RHPN1: variants seen among roughly 807,000 people sequenced by gnomAD.
RHPN1 encodes rhophilin-1.
Under a neutral mutation model 74.7 loss-of-function variants are expected in RHPN1, and 77 were observed. The observed-to-expected ratio is 1.03, with a 90% CI of 0.86 to 1.25. The LOEUF is 1.25. Among genes scored for constraint, RHPN1 ranks in the 50% most tolerant of loss-of-function variants. RHPN1 has a pLI of 0.00. For synonymous variants in RHPN1, 444 were observed against 414.5 expected (o/e 1.07, Z -0.87); for missense variants, 987 against 932.2 (o/e 1.06, Z -0.77).
Position 143,378,951 on chromosome 8 carries a change from C to A in RHPN1, c.624C>A (p.Ala208=). ...CTGGGGTCCCGGCCCAGCAGCGTGC[C>A]CTGGCCTTCGAGAAGGGCAGCGTTC... The part of the protein sequence containing the change: ...SLTGVPAQQR[A]LAFEKGSVLF... Residue 208 remains alanine (A), a synonymous_variant, in exon 7 of 15, where the codon GCC becomes GCA. Transcript: ENST00000289013. 1 of 1,576,456 alleles carries A rather than the reference C, an allele frequency of 6.3e-7. No homozygotes were observed. The highest frequency in any genetic ancestry group is 1.2e-5 in the South Asian group (1 of 85,788).
Position 143,378,356 on chromosome 8 carries a change from T to TCCCCCCCCCCCCCCCCCCCCCCCC in RHPN1, c.459+15_459+16insCCCCCCCCCCCCCCCCCCCCCCCC. ...GGAGGCCCTGCGGCAGGTGTGTGGT[T>TCCCCCCCCCCCCCCCCCCCCCCCC]CCCCCGCCCACCCACCCTCCTGCAG... On this transcript the variant is annotated intron_variant, in intron 5 of 14. Transcript: ENST00000289013. The TCCCCCCCCCCCCCCCCCCCCCCCC allele has an allele frequency of 6.6e-7, 1 of 1,525,440 alleles. No individual in the cohort carries two copies. The allele number at this position is 1,525,440 out of a possible 1,614,324, so 94.5% of individuals were successfully genotyped here.
In RHPN1 at chr8:143,374,904, G is replaced by A. The variant is rs564757417; in HGVS notation, c.61-649G>A. On this transcript the variant is annotated intron_variant, in intron 1 of 14. Transcript: ENST00000289013. The stretch of plus-strand genomic sequence containing the variant: ...CATGGCTGGTGCTGGGCAGGGCCGC[G>A]GGGCTGCAGTCTGGGTGCAAGGCTC... Among the ~76,000 whole-genome samples, 13 of 151,988 alleles carry A rather than the reference G, an allele frequency of 8.6e-5. No homozygotes were observed. The East Asian group carries it at 1.7e-3, about 20-fold the overall frequency.
At chr8:143,374,270 A>G (rs1053090416) in intron 1 of RHPN1, 9 of 985,472 alleles carry the variant, frequency 9.1e-6, no homozygotes, top group Non-Finnish European at 1.1e-5. Context: ...CGTTGGCCCC[A>G]TGAATCCGCA....
chr8:143,377,305 C>T, intron 3 of RHPN1, 75 bp from the exon 4 acceptor site: 1 of 1,220,898 alleles, frequency 8.2e-7, no homozygotes, highest in Non-Finnish European at 1.2e-6. Context: ...CCACAGAGCC[C>T]TAGGAGTGGA....
chr8:143,377,090 A>T (rs552774059), intron 3 of RHPN1, among the ~76,000 whole-genome samples: 295 of 146,114 alleles, frequency 2.0e-3, no homozygotes, highest in Non-Finnish European at 2.4e-3. Context: ...GTGTGTGCAT[A>T]TATGTGTGTG....
Position 143,384,130 on chromosome 8 carries a change from T to C in RHPN1, c.*1479T>C, listed in dbSNP as rs1407610037. On this transcript the variant is annotated 3_prime_UTR_variant, in exon 15 of 15. Coordinates refer to ENST00000289013, the MANE Select transcript of RHPN1 (RefSeq NM_052924.3). The stretch of plus-strand genomic sequence containing the variant: ...GGTCCAGGTCCCCCACTTGCCCTTG[T>C]GGGAAAATCCCTGTCTCAGCAGAAT... 6.6e-6 allele frequency: 1 copy of C among 152,104 alleles called. No individual in the cohort carries two copies. Among genetic ancestry groups the C allele is most frequent in the Non-Finnish European group, 1.5e-5 (1 of 67,980 alleles). The allele number at this position is 152,104 out of a possible 1,614,324, so 9.4% of individuals were successfully genotyped here.
intron 1 of RHPN1, among the ~76,000 whole-genome samples, chr8:143,374,476 G>C (rs947361073): frequency 6.6e-6 from 1 of 152,252 alleles, no homozygotes; most frequent in African/African-American, 2.4e-5. Context: ...CTCGCCCCAG[G>C]GCTGGGTGGG....
Position 143,379,644 on chromosome 8 carries a change from G to T in RHPN1, c.945+136G>T, listed in dbSNP as rs75446900. The T allele has an allele frequency of 9.8e-5, 142 of 1,445,266 alleles. No individual in the cohort carries two copies. The African/African-American group carries it at 1.1e-3, about 11-fold the overall frequency. 89.5% of individuals were successfully genotyped at this position (1,445,266 alleles called of 1,614,324 possible). A position where few individuals can be genotyped will look rare whatever the true frequency, so the allele number is the denominator to read the frequency against. ...GAGCCAGCTGTTGTCCTGCTCCCTGGGGGGGCTGGTCAGGAACCTGGGGAC... is the reference window on the plus strand; with the variant it reads ...GAGCCAGCTGTTGTCCTGCTCCCTGTGGGGGCTGGTCAGGAACCTGGGGAC... On this transcript the variant is annotated intron_variant, in intron 8 of 14. Coordinates refer to ENST00000289013, the MANE Select transcript of RHPN1 (RefSeq NM_052924.3).
At chr8:143,376,870 ATG>A (rs769222750) in intron 3 of RHPN1, among the ~76,000 whole-genome samples, 1,682 of 148,278 alleles carry the variant, frequency 0.011, 37 homozygotes, top group East Asian at 0.051. Context: ...CTGTGTGTAT[ATG>A]TGTGTGCATG....
chr8:143,380,476 C>T (rs1818637231), intron 10 of RHPN1, 113 bp from the exon 11 acceptor site: 1 of 1,046,034 alleles, frequency 9.6e-7, no homozygotes, highest in East Asian at 2.7e-5. Flanking sequence ...CGCGCACCCC[C>T]AACGAAAGTG....
chr8:143,383,838 C>T lies in RHPN1; in HGVS notation c.*1187C>T, dbSNP rs922673413. On this transcript the variant is annotated 3_prime_UTR_variant, in exon 15 of 15. Coordinates refer to ENST00000289013, the MANE Select transcript of RHPN1 (RefSeq NM_052924.3). ...CGCCTTGGGAGGGCTGAGGCAAAGA[C>T]CCCGGGTAGAAAGGCGGCCCCCAGC... 2.6e-5 allele frequency: 4 copies of T among 152,286 alleles called. No individual in the cohort carries two copies. The highest frequency in any genetic ancestry group is 5.9e-5 in the Non-Finnish European group (4 of 68,104). The allele number at this position is 152,286 out of a possible 1,614,324, so 9.4% of individuals were successfully genotyped here. A position where few individuals can be genotyped will look rare whatever the true frequency, so the allele number is the denominator to read the frequency against.
At chr8:143,381,236 C>T in intron 11 of RHPN1, 32 bp from the exon 12 acceptor site, 2 of 1,592,126 alleles carry the variant, frequency 1.3e-6, no homozygotes, top group Non-Finnish European at 8.6e-7. Context: ...TCCACAGTCT[C>T]CCAGCTTAGC....
chr8:143,373,960 G>T (rs1252868263), intron 1 of RHPN1, among the ~76,000 whole-genome samples: 1 of 152,108 alleles, frequency 6.6e-6, no homozygotes, highest in Non-Finnish European at 1.5e-5. Context: ...TCTTTTGTGG[G>T]GACACAATTC....
At chr8:143,371,743 T>A (rs898407766) in intron 1 of RHPN1, among the ~76,000 whole-genome samples, 2 of 152,174 alleles carry the variant, frequency 1.3e-5, no homozygotes, top group East Asian at 3.8e-4. Context: ...TCTCTGTCCT[T>A]TCCTAATGCA....
chr8:143,376,404 G>A (rs1437396704), intron 2 of RHPN1, 121 bp from the exon 3 acceptor site: 27 of 1,427,098 alleles, frequency 1.9e-5, no homozygotes, highest in African/African-American at 9.9e-5. Flanking sequence ...CCCTGTCAGC[G>A]ACGTCCTCTG....
rs978835440 is a variant in RHPN1 at position 143,383,839 on chromosome 8, C to G, written c.*1188C>G. The G allele has an allele frequency of 1.3e-5, 2 of 152,314 alleles. No homozygotes were observed. Among genetic ancestry groups the G allele is most frequent in the Non-Finnish European group, 2.9e-5 (2 of 68,112 alleles). The allele number at this position is 152,314 out of a possible 1,614,324, so 9.4% of individuals were successfully genotyped here. On this transcript the variant is annotated 3_prime_UTR_variant, in exon 15 of 15. Coordinates refer to ENST00000289013, the MANE Select transcript of RHPN1 (RefSeq NM_052924.3). ...GCCTTGGGAGGGCTGAGGCAAAGAC[C>G]CCGGGTAGAAAGGCGGCCCCCAGCT...
chr8:143,365,755 TG>T (rs1237608601), upstream of RHPN1, among the ~76,000 whole-genome samples: 1 of 152,210 alleles, frequency 6.6e-6, no homozygotes, highest in Non-Finnish European at 1.5e-5. Context: ...CCCAGCACTT[TG>T]GGAGGCCAAG....
At position 143,369,003 on chromosome 8, in the gene RHPN1, A is replaced by G; in HGVS notation, c.16A>G (p.Arg6Gly). The change falls in exon 1 of 15, where the codon AGG (arginine) becomes GGG (glycine). Residue 6 changes from arginine (R) to glycine (G), a missense_variant. Physicochemically the swap from Arg to Gly is moderately radical, Grantham distance 125. Transcript: ENST00000289013. ...GGGTGCGGCGATGATCCTGGAGGAG[A>G]GGCCGGACGGCGCGGGCGCCGGCGA... The part of the protein sequence containing the change: MILEE[R>G]PDGAGAGEES... The G allele has an allele frequency of 1.3e-6, 2 of 1,494,964 alleles. No homozygotes were observed. The highest frequency in any genetic ancestry group is 8.8e-7 in the Non-Finnish European group (1 of 1,129,958). 92.6% of individuals were successfully genotyped at this position (1,494,964 alleles called of 1,614,324 possible). A position where few individuals can be genotyped will look rare whatever the true frequency, so the allele number is the denominator to read the frequency against.
chr8:143,381,595 C>G lies in RHPN1; in HGVS notation c.1512C>G (p.Ala504=). The G allele has an allele frequency of 6.2e-7, 1 of 1,609,958 alleles. No homozygotes were observed. The highest frequency in any genetic ancestry group is 8.5e-7 in the Non-Finnish European group (1 of 1,179,288). The change falls in exon 13 of 15, where the codon GCC becomes GCG. Residue 504 remains alanine, a synonymous_variant. Coordinates refer to ENST00000289013, the MANE Select transcript of RHPN1 (RefSeq NM_052924.3). ...HRLGPLSVFS[A]KNRWRLVGPV... ...AGGGGCCCCTGTCTGTGTTCTCAGCCAAGAACCGGTGGCGGCTGGTGGGGC... is the reference window on the plus strand; with the variant it reads ...AGGGGCCCCTGTCTGTGTTCTCAGCGAAGAACCGGTGGCGGCTGGTGGGGC...
Sources: allele counts gnomAD v4.1 joint callset (sites outside exome capture counted in the v4.1 genomes callset), GRCh38; gene constraint gnomAD v4.1.1; transcripts MANE v1.5; gene names NCBI Gene and HGNC (gene_info 2026-07-23, HGNC 2026-07-21).